The following PLXNA2 variants were observed in gnomAD, a reference collection of about 807,000 sequenced individuals.
PLXNA2 encodes the protein plexin A2.
Under a neutral mutation model 193.5 loss-of-function variants are expected in PLXNA2, and 91 were observed. The ratio of observed to expected loss-of-function variants is 0.47; its 90% CI spans 0.40 to 0.56. PLXNA2 has a LOEUF of 0.56. PLXNA2 is among the 20% of genes least tolerant of loss of function. The probability of loss-of-function intolerance (pLI) is 0.00; values close to 1 mark genes in which losing one functional copy is unlikely to be tolerated. For synonymous variants in PLXNA2, 997 were observed against 1,027.3 expected (o/e 0.97, Z 0.56); for missense variants, 1,995 against 2,503.2 (o/e 0.80, Z 4.33).
intron 4 of PLXNA2, among the ~76,000 whole-genome samples, chr1:208,105,052 C>T (rs1443199194): frequency 6.6e-6 from 1 of 152,144 alleles, no homozygotes; most frequent in Non-Finnish European, 1.5e-5. Context: ...TAAATAGACA[C>T]ACAGCATCAG....
chr1:208,097,224 C>A (rs933743943), intron 6 of PLXNA2, among the ~76,000 whole-genome samples: 6 of 152,184 alleles, frequency 3.9e-5, no homozygotes, highest in Admixed American at 3.3e-4. Flanking sequence ...TGCAAGGCAC[C>A]ACACAAACTT....
intron 4 of PLXNA2, among the ~76,000 whole-genome samples, chr1:208,113,836 G>A (rs1667562295): frequency 6.6e-6 from 1 of 152,122 alleles, no homozygotes; most frequent in Non-Finnish European, 1.5e-5. Context: ...AATTACAGGT[G>A]TGAGCCACTG....
chr1:208,118,863 A>T (rs1352735529), intron 4 of PLXNA2, among the ~76,000 whole-genome samples: 1 of 152,106 alleles, frequency 6.6e-6, no homozygotes, highest in African/African-American at 2.4e-5. Flanking sequence ...AAAAAGCGGA[A>T]TTTTAAATAA....
chr1:208,155,046 A>T (rs662868), intron 3 of PLXNA2, among the ~76,000 whole-genome samples: 1 of 152,058 alleles, frequency 6.6e-6, no homozygotes, highest in East Asian at 1.9e-4. Flanking sequence ...GGGGGAAATT[A>T]GTACCTCCTC....
intron 13 of PLXNA2, among the ~76,000 whole-genome samples, chr1:208,056,585 C>T (rs547863958): frequency 1.1e-4 from 17 of 152,244 alleles, no homozygotes; most frequent in African/African-American, 3.9e-4. Context: ...TCTTCTAGGA[C>T]ATTTTCCTGC....
intron 4 of PLXNA2, among the ~76,000 whole-genome samples, chr1:208,105,568 C>T (rs1159286952): frequency 1.3e-5 from 2 of 152,222 alleles, no homozygotes; most frequent in African/African-American, 2.4e-5. Context: ...ACCACCACCA[C>T]CACCAATTCA....
chr1:208,071,095 T>C (rs754731874), intron 12 of PLXNA2, among the ~76,000 whole-genome samples: 9 of 152,158 alleles, frequency 5.9e-5, no homozygotes, highest in African/African-American at 1.4e-4. Flanking sequence ...GCTCTCACCA[T>C]GGTTTCCAGC....
At chr1:208,127,452 T>G (rs1046870896) in intron 4 of PLXNA2, among the ~76,000 whole-genome samples, 1 of 152,220 alleles carries the variant, frequency 6.6e-6, no homozygotes, top group Admixed American at 6.5e-5. Context: ...AGCACACACT[T>G]GTTAGCCTCC....
In PLXNA2 at chr1:208,098,964, G is replaced by T; in HGVS notation, c.1613C>A (p.Ser538Tyr). 1 of 1,611,590 alleles carries T rather than the reference G, an allele frequency of 6.2e-7. No individual in the cohort carries two copies. The highest frequency in any genetic ancestry group is 8.5e-7 in the Non-Finnish European group (1 of 1,179,498). ...CGWCALHNMC[S>Y]RRDKCQQAWE... The stretch of plus-strand genomic sequence containing the variant: ...GGCCTGTTGGCATTTGTCCCTGCGG[G>T]AGCACCTGCCATAAACACAGATTCA... Residue 538 changes from serine to tyrosine, a missense_variant, in exon 6 of 32, where the codon TCC becomes TAC. Around this residue, in one of 3 missense-constraint regions of PLXNA2, gnomAD observed 702 missense variants for 812.9 expected, o/e 0.86. Transcript: ENST00000367033.
At chr1:208,051,512 C>A in intron 15 of PLXNA2, 89 bp from the exon 16 acceptor site, 2 of 995,490 alleles carry the variant, frequency 2.0e-6, no homozygotes, top group South Asian at 1.5e-5. Context: ...CCTTGGTCTG[C>A]GGGTAAGGCC....
At chr1:208,173,655 G>T (rs1669564226) in intron 3 of PLXNA2, among the ~76,000 whole-genome samples, 1 of 152,222 alleles carries the variant, frequency 6.6e-6, no homozygotes, top group South Asian at 2.1e-4. Context: ...TAAGGGCCAA[G>T]GCTTCTGTTC....
At chr1:208,225,927 G>C (rs898182201) in intron 1 of PLXNA2, among the ~76,000 whole-genome samples, 1 of 152,204 alleles carries the variant, frequency 6.6e-6, no homozygotes, top group African/African-American at 2.4e-5. Context: ...CCTGGTCTGT[G>C]ATACTTTGTT....
intron 11 of PLXNA2, among the ~76,000 whole-genome samples, chr1:208,081,468 G>A (rs968511494): frequency 6.6e-6 from 1 of 152,160 alleles, no homozygotes; most frequent in African/African-American, 2.4e-5. Context: ...AGGAGTGTGG[G>A]GGATAGGAAT....
At chr1:208,076,409 T>C (rs1455912640) in intron 12 of PLXNA2, among the ~76,000 whole-genome samples, 2 of 152,120 alleles carry the variant, frequency 1.3e-5, no homozygotes, top group African/African-American at 4.8e-5. Context: ...GTTTGTTTCT[T>C]TTTTTCAGGA....
chr1:208,054,029 T>C (rs1480005563), intron 14 of PLXNA2, among the ~76,000 whole-genome samples: 1 of 152,208 alleles, frequency 6.6e-6, no homozygotes, highest in East Asian at 1.9e-4. Context: ...TATAGACTTA[T>C]TTAATTAGGT....
chr1:208,186,718 T>TA (rs1322254405), intron 3 of PLXNA2, among the ~76,000 whole-genome samples: 28 of 91,904 alleles, frequency 3.0e-4, no homozygotes, highest in African/African-American at 1.2e-3. Flanking sequence ...ATTTTATTTT[T>TA]TTTTTTTTTT....
At chr1:208,090,982 C>T (rs888252600) in intron 9 of PLXNA2, among the ~76,000 whole-genome samples, 3 of 152,190 alleles carry the variant, frequency 2.0e-5, no homozygotes, top group Non-Finnish European at 4.4e-5. Flanking sequence ...GAAAGGACTG[C>T]CCCCAGAGCA....
At chr1:208,210,577 A>C in intron 2 of PLXNA2, 115 bp from the exon 3 acceptor site, 2 of 868,874 alleles carry the variant, frequency 2.3e-6, no homozygotes, top group East Asian at 5.4e-5. Context: ...AGAGGCAGAC[A>C]TGGGAGTTCA....
chr1:208,208,931 C>A (rs1468907290), intron 3 of PLXNA2, among the ~76,000 whole-genome samples: 1 of 152,174 alleles, frequency 6.6e-6, no homozygotes, highest in African/African-American at 2.4e-5. Flanking sequence ...CTCAGGGTTC[C>A]AAGCTGAATT....
Sources: allele counts gnomAD v4.1 joint callset (sites outside exome capture counted in the v4.1 genomes callset), GRCh38; gene constraint gnomAD v4.1.1; regional missense constraint gnomAD v4.1.1; transcripts MANE v1.5; gene names NCBI Gene and HGNC (gene_info 2026-07-23, HGNC 2026-07-21).